The following SEMA6D variants were observed in gnomAD, a reference collection of about 807,000 sequenced individuals.
SEMA6D encodes the protein semaphorin-6D.
In SEMA6D, 35 loss-of-function variants were observed where a neutral mutation model predicts 106.6. That is an observed-to-expected ratio of 0.33 (90% CI 0.25 to 0.44). The LOEUF (loss-of-function observed/expected upper bound fraction) is 0.44. Among genes scored for constraint, SEMA6D ranks in the 20% least tolerant of loss-of-function variants. SEMA6D has a pLI of 1.00. For missense variants in SEMA6D, 1,185 were observed against 1,345.9 expected (o/e 0.88, Z 1.87); for synonymous variants, 499 against 487.7 (o/e 1.02, Z -0.31).
At chr15:47,275,940 A>G (rs1595606346) in intron 1 of SEMA6D, among the ~76,000 whole-genome samples, 1 of 152,180 alleles carries the variant, frequency 6.6e-6, no homozygotes, top group South Asian at 2.1e-4. Context: ...CATTGAACAC[A>G]TGAATGATAT....
At chr15:47,743,970 G>T (rs1012476777) in intron 1 of SEMA6D, among the ~76,000 whole-genome samples, 5 of 152,184 alleles carry the variant, frequency 3.3e-5, no homozygotes, top group Admixed American at 6.5e-5. Context: ...GGAGACAGGT[G>T]ACCCAGAAGC....
chr15:47,316,840 C>T (rs7173160), intron 1 of SEMA6D, among the ~76,000 whole-genome samples: 17 of 152,190 alleles, frequency 1.1e-4, no homozygotes, highest in African/African-American at 3.4e-4. Flanking sequence ...GAAGTTTTTG[C>T]ATTCATGTTT....
At chr15:47,254,207 T>C (rs2033668123) in intron 1 of SEMA6D, among the ~76,000 whole-genome samples, 1 of 151,316 alleles carries the variant, frequency 6.6e-6, no homozygotes, top group Non-Finnish European at 1.5e-5. Flanking sequence ...GCCACTTTCT[T>C]GAATTCATTT....
At chr15:47,697,620 C>T (rs1181786820) in intron 4 of SEMA6D, among the ~76,000 whole-genome samples, 1 of 152,080 alleles carries the variant, frequency 6.6e-6, no homozygotes, top group Admixed American at 6.6e-5. Flanking sequence ...CTCCAAAACC[C>T]TTTTAGCCCA....
chr15:47,352,087 C>G (rs1025695832), intron 1 of SEMA6D, among the ~76,000 whole-genome samples: 3 of 152,114 alleles, frequency 2.0e-5, no homozygotes, highest in Non-Finnish European at 4.4e-5. Context: ...AACTGGAAAT[C>G]TGTTTCCCAC....
At chr15:47,547,631 G>A (rs1368027765) in intron 3 of SEMA6D, among the ~76,000 whole-genome samples, 1 of 152,020 alleles carries the variant, frequency 6.6e-6, no homozygotes, top group Non-Finnish European at 1.5e-5. Context: ...ATAGAGATTT[G>A]TTTCAATCAT....
rs548346062 is a variant in SEMA6D, at chr15:47,758,394, C to T, written c.-54-1351C>T. On this transcript the variant is annotated intron_variant, in intron 1 of 18. Transcript: ENST00000536845. ...TAGATATGTAAGACTGAGGATAAAG[C>T]TAAATGTTTTGTTGTTCAGAACAGT... Among the ~76,000 whole-genome samples, 3 of 152,200 alleles carry T rather than the reference C, an allele frequency of 2.0e-5. No individual in the cohort carries two copies. In the East Asian group the frequency reaches 5.8e-4, roughly 29 times the overall value.
At chr15:47,388,689 C>T (rs968006934) in intron 1 of SEMA6D, among the ~76,000 whole-genome samples, 15 of 152,000 alleles carry the variant, frequency 9.9e-5, no homozygotes, top group Admixed American at 3.9e-4. Flanking sequence ...ATATCTCTTA[C>T]GGTCAGGAAG....
chr15:47,366,406 A>G (rs2039031935), intron 1 of SEMA6D, among the ~76,000 whole-genome samples: 1 of 152,216 alleles, frequency 6.6e-6, no homozygotes, highest in South Asian at 2.1e-4. Context: ...AAAGGTGGTA[A>G]TCTGTTCAGT....
intron 1 of SEMA6D, among the ~76,000 whole-genome samples, chr15:47,349,370 C>G (rs1194280972): frequency 6.6e-6 from 1 of 152,134 alleles, no homozygotes; most frequent in Admixed American, 6.6e-5. Context: ...TTTATTTGTT[C>G]GTCCTTCATG....
At chr15:47,227,652 T>C (rs2031833071) in intron 1 of SEMA6D, among the ~76,000 whole-genome samples, 1 of 149,378 alleles carries the variant, frequency 6.7e-6, no homozygotes, top group Non-Finnish European at 1.5e-5. Flanking sequence ...AGTGCGTGTG[T>C]AAAAGGTAGA....
At chr15:47,382,514 A>T (rs982535748) in intron 1 of SEMA6D, among the ~76,000 whole-genome samples, 1 of 152,072 alleles carries the variant, frequency 6.6e-6, no homozygotes, top group African/African-American at 2.4e-5. Flanking sequence ...CTCAAAAAGA[A>T]AAAAAAAGGG....
At chr15:47,705,883 A>G (rs953525691) in intron 4 of SEMA6D, among the ~76,000 whole-genome samples, 2 of 152,284 alleles carry the variant, frequency 1.3e-5, no homozygotes, top group African/African-American at 4.8e-5. Flanking sequence ...GGATAGCCAC[A>G]CTCCTATGGC....
intron 1 of SEMA6D, among the ~76,000 whole-genome samples, chr15:47,283,305 A>G (rs978438752): frequency 6.6e-6 from 1 of 152,170 alleles, no homozygotes; most frequent in African/African-American, 2.4e-5. Flanking sequence ...TTTTCACTCG[A>G]GCACATGCCC....
chr15:47,394,557 C>G (rs1012235937), intron 1 of SEMA6D, among the ~76,000 whole-genome samples: 2 of 152,094 alleles, frequency 1.3e-5, no homozygotes, highest in African/African-American at 4.8e-5. Flanking sequence ...CTAATCACTT[C>G]CCTCACAAAA....
intron 3 of SEMA6D, among the ~76,000 whole-genome samples, chr15:47,512,689 AAGACT>A (rs974171584): frequency 6.6e-6 from 1 of 152,192 alleles, no homozygotes; most frequent in African/African-American, 2.4e-5. Flanking sequence ...GACCAAGACA[AAGACT>A]GTGAAGCCAC....
At chr15:47,546,611 C>G (rs1313641430) in intron 3 of SEMA6D, among the ~76,000 whole-genome samples, 1 of 151,920 alleles carries the variant, frequency 6.6e-6, no homozygotes, top group African/African-American at 2.4e-5. Context: ...GAAAATAATG[C>G]CATGGAACAG....
intron 4 of SEMA6D, among the ~76,000 whole-genome samples, chr15:47,613,003 A>G (rs184665729): frequency 6.6e-6 from 1 of 152,296 alleles, no homozygotes; most frequent in East Asian, 1.9e-4. Flanking sequence ...ATGTTGGTGA[A>G]TTTTAAACTC....
chr15:47,522,169 A>G (rs1279017854), intron 3 of SEMA6D, among the ~76,000 whole-genome samples: 1 of 152,256 alleles, frequency 6.6e-6, no homozygotes, highest in East Asian at 1.9e-4. Context: ...GAACCAGGAC[A>G]TTCCATGCAC....
Sources: gnomAD v4.1 joint callset for allele counts (sites outside exome capture counted in the v4.1 genomes callset) on GRCh38, gnomAD v4.1.1 for gene constraint, MANE v1.5 for transcripts, NCBI Gene and HGNC (gene_info 2026-07-23, HGNC 2026-07-21) for gene names.